Variants in SVIL observed in about 807,000 individuals in gnomAD.
SVIL encodes supervillin, also known as archvillin.
SVIL carries 101 observed loss-of-function variants against 240.4 expected under a neutral mutation model. The ratio of observed to expected loss-of-function variants is 0.42; its 90% CI spans 0.36 to 0.50. SVIL has a LOEUF of 0.50. SVIL is among the 20% of genes least tolerant of loss of function. The pLI is 0.01. For missense variants in SVIL, 2,512 were observed against 2,818.7 expected (o/e 0.89, Z 2.46); for synonymous variants, 999 against 1,100.0 (o/e 0.91, Z 1.82).
intron 2 of SVIL, among the ~76,000 whole-genome samples, chr10:29,564,278 G>A (rs1202323458): frequency 1.3e-5 from 2 of 152,172 alleles, no homozygotes; most frequent in African/African-American, 2.4e-5. Context: ...CCAAAGACTC[G>A]TATTTGACAA....
chr10:29,685,111 C>T (rs1467025421), intron 2 of SVIL, among the ~76,000 whole-genome samples: 2 of 152,130 alleles, frequency 1.3e-5, no homozygotes, highest in Non-Finnish European at 2.9e-5. Flanking sequence ...CTGTTGTTCC[C>T]CTCCTAGTAT....
At chr10:29,528,514 G>C (rs962607742) in intron 12 of SVIL, among the ~76,000 whole-genome samples, 2 of 151,896 alleles carry the variant, frequency 1.3e-5, no homozygotes, top group African/African-American at 2.4e-5. Flanking sequence ...TGAGGTGGGA[G>C]GATCGCTTGA....
At position 29,524,412 on chromosome 10, in the gene SVIL, G is replaced by A; in HGVS notation, c.2586+60C>T. ...ACATCATTGACCTCAGAGGAATACTGCAGTGCTATAATTTAAGAACACACA... is the reference window on the plus strand; with the variant it reads ...ACATCATTGACCTCAGAGGAATACTACAGTGCTATAATTTAAGAACACACA... On this transcript the variant is annotated intron_variant, in intron 14 of 37. Transcript: ENST00000355867. 1.9e-6 allele frequency: 3 copies of A among 1,602,608 alleles called. No individual in the cohort carries two copies. The South Asian group carries it at 3.3e-5, about 18-fold the overall frequency.
At chr10:29,649,669 T>C (rs547179738) in intron 3 of SVIL, among the ~76,000 whole-genome samples, 15 of 150,802 alleles carry the variant, frequency 9.9e-5, no homozygotes, top group African/African-American at 3.1e-4. Context: ...TGCATGGGCG[T>C]ACACACACAC....
chr10:29,648,454 ATGT>A lies in SVIL; in HGVS notation c.-201+9512_-201+9514del, dbSNP rs141534996. On this transcript the variant is annotated intron_variant, in intron 3 of 35. Transcript: ENST00000375400. ...GTACTCTTCCATAAAATGATGGGAA[ATGT>A]TGTCAGTGGCACCTGCTTTGTACCG... is the stretch of plus-strand genomic sequence containing the variant. Among the ~76,000 whole-genome samples the A allele has an allele frequency of 3.7e-3, 559 of 152,344 alleles. 3 individuals carry two copies. The highest frequency in any genetic ancestry group is 0.013 in the African/African-American group (542 of 41,578).
At chr10:29,610,718 G>C (rs1408929266) in intron 1 of SVIL, among the ~76,000 whole-genome samples, 1 of 152,116 alleles carries the variant, frequency 6.6e-6, no homozygotes, top group Non-Finnish European at 1.5e-5. Flanking sequence ...ACTGCACCCT[G>C]CCCATTCTAC....
chr10:29,555,140 G>C, intron 3 of SVIL, 32 bp from the exon 4 acceptor site: 1 of 1,562,656 alleles, frequency 6.4e-7, no homozygotes, highest in Non-Finnish European at 8.7e-7. Context: ...ACAAAATATA[G>C]TATTTAGTAG....
At chr10:29,562,149 A>G (rs1954536040) in intron 3 of SVIL, among the ~76,000 whole-genome samples, 1 of 152,178 alleles carries the variant, frequency 6.6e-6, no homozygotes, top group Admixed American at 6.5e-5. Context: ...CTGCCCTTCC[A>G]TCAAATCTGT....
intron 18 of SVIL, chr10:29,496,499 A>C: frequency 2.3e-6 from 1 of 434,662 alleles, no homozygotes; most frequent in South Asian, 1.7e-5. Context: ...CTGGTTTCCA[A>C]AGCAACCGGA....
At chr10:29,670,620 T>C (rs751784500) in intron 2 of SVIL, among the ~76,000 whole-genome samples, 1 of 152,014 alleles carries the variant, frequency 6.6e-6, no homozygotes, top group African/African-American at 2.4e-5. Context: ...TATAGATTAT[T>C]TTCTTCAGCT....
chr10:29,715,561 T>C (rs908306246), intron 1 of SVIL, among the ~76,000 whole-genome samples: 3 of 152,206 alleles, frequency 2.0e-5, no homozygotes, highest in Non-Finnish European at 4.4e-5. Flanking sequence ...AAACTCTGCC[T>C]TGGCCTTGTC....
chr10:29,574,851 C>T (rs1955617276), intron 1 of SVIL, among the ~76,000 whole-genome samples: 1 of 152,174 alleles, frequency 6.6e-6, no homozygotes, highest in Non-Finnish European at 1.5e-5. Context: ...TTTCATAAAC[C>T]TTATGATTTC....
chr10:29,469,260 T>G (rs573086093), intron 32 of SVIL: 1 of 152,354 alleles, frequency 6.6e-6, no homozygotes, highest in Admixed American at 6.5e-5. Context: ...AGGTGGTGTT[T>G]TGAGATGAAA....
intron 2 of SVIL, among the ~76,000 whole-genome samples, chr10:29,684,493 G>A (rs1401040657): frequency 1.3e-5 from 2 of 152,184 alleles, no homozygotes; most frequent in East Asian, 1.9e-4. Flanking sequence ...TTTCTGTCTG[G>A]AAATTGGTTG....
intron 6 of SVIL, among the ~76,000 whole-genome samples, chr10:29,538,838 T>G (rs1951928610): frequency 2.0e-5 from 3 of 152,174 alleles, no homozygotes; most frequent in Admixed American, 2.0e-4. Flanking sequence ...TTGAGGAACA[T>G]CTGTAAAATA....
intron 1 of SVIL, among the ~76,000 whole-genome samples, chr10:29,694,465 A>ATT (rs142372925): frequency 6.7e-6 from 1 of 149,988 alleles, no homozygotes; most frequent in African/African-American, 2.4e-5. Context: ...CCAAAATACA[A>ATT]TTTTTTTTTT....
In SVIL at chr10:29,524,026, A is replaced by T. The variant is rs1486818598; in HGVS notation, c.2588T>A (p.Val863Glu). Residue 863 changes from valine to glutamate, a missense_variant and splice_region_variant, in exon 15 of 38, where the codon GTG becomes GAG. By Grantham distance (121) the Val-to-Glu change is moderately radical. Coordinates refer to ENST00000355867, the MANE Select transcript of SVIL (RefSeq NM_021738.3). ...QPVTLGEVEQ[V>E]QSGKLIPFSP... ...GAAAGGAATGAGCTTTCCACTCTGC[A>T]CCTGGAAGGACACAGTTAAAAATTA... 1 of 1,592,670 alleles carries T rather than the reference A, an allele frequency of 6.3e-7. No homozygotes were observed. Among genetic ancestry groups the T allele is most frequent in the Admixed American group, 1.8e-5 (1 of 55,418 alleles).
chr10:29,703,684 T>C (rs1962684581), intron 1 of SVIL, among the ~76,000 whole-genome samples: 1 of 152,218 alleles, frequency 6.6e-6, no homozygotes, highest in Non-Finnish European at 1.5e-5. Flanking sequence ...AGCCGTGCCC[T>C]GCAATGTGGG....
intron 1 of SVIL, among the ~76,000 whole-genome samples, chr10:29,694,061 C>A (rs1205248474): frequency 6.6e-6 from 1 of 151,900 alleles, no homozygotes; most frequent in Non-Finnish European, 1.5e-5. Context: ...CATAGACAGC[C>A]CCCCTACCCA....
Sources: allele counts gnomAD v4.1 joint callset (sites outside exome capture counted in the v4.1 genomes callset), GRCh38; gene constraint gnomAD v4.1.1; transcripts MANE v1.5; gene names NCBI Gene and HGNC (gene_info 2026-07-23, HGNC 2026-07-21).